The following STIMATE variants were observed in gnomAD, a reference collection of about 807,000 sequenced individuals.
STIMATE encodes the protein STIM activating enhancer, also known as store-operated calcium entry regulator STIMATE.
A neutral mutation model predicts 36.7 loss-of-function variants in STIMATE; 15 were observed. The ratio of observed to expected loss-of-function variants is 0.41; its 90% CI spans 0.27 to 0.63. The LOEUF (loss-of-function observed/expected upper bound fraction) is 0.63. Among genes scored for constraint, STIMATE ranks in the 20% least tolerant of loss-of-function variants. STIMATE has a pLI of 0.32. For synonymous variants in STIMATE, 163 were observed against 162.3 expected (o/e 1.00, Z -0.03); for missense variants, 305 against 397.3 (o/e 0.77, Z 1.98).
At chr3:52,868,397 G>A (rs1274565312) in intron 1 of STIMATE, among the ~76,000 whole-genome samples, 1 of 152,230 alleles carries the variant, frequency 6.6e-6, no homozygotes, top group African/African-American at 2.4e-5. Flanking sequence ...GGAGGTCCAG[G>A]TGATTCTTAT....
At chr3:52,866,136 A>C (rs1319705756) in intron 1 of STIMATE, among the ~76,000 whole-genome samples, 3 of 152,238 alleles carry the variant, frequency 2.0e-5, no homozygotes, top group Admixed American at 6.5e-5. Flanking sequence ...CACTTGCTAC[A>C]TCAAAAGCTA....
At chr3:52,866,647 C>A (rs57317288) in intron 1 of STIMATE, among the ~76,000 whole-genome samples, 183 of 152,336 alleles carry the variant, frequency 1.2e-3, no homozygotes, top group African/African-American at 4.2e-3. Context: ...GTTTTCCACA[C>A]GCCACTCTCA....
intron 1 of STIMATE, among the ~76,000 whole-genome samples, chr3:52,889,472 T>C (rs996100847): frequency 6.6e-6 from 1 of 152,204 alleles, no homozygotes; most frequent in Non-Finnish European, 1.5e-5. Context: ...ACTATCCAAA[T>C]GGAAGGTCTG....
chr3:52,882,846 T>A (rs189564336), intron 1 of STIMATE, among the ~76,000 whole-genome samples: 3 of 151,934 alleles, frequency 2.0e-5, no homozygotes, highest in East Asian at 3.9e-4. Flanking sequence ...CAATTAAGAG[T>A]CGGCCACAGC....
chr3:52,852,550 A>T (rs374404671), intron 3 of STIMATE, 53 bp downstream of exon 3: 16 of 1,607,012 alleles, frequency 1.0e-5, no homozygotes, highest in Non-Finnish European at 1.4e-5. Context: ...AGGCCAGCCT[A>T]TATTTTCAAT....
In STIMATE at chr3:52,890,141, C is replaced by T. The variant is rs546601978; in HGVS notation, c.160+7150G>A. The stretch of plus-strand genomic sequence containing the variant: ...ATTCCCCCTCTCCAGTGTGTTCAGG[C>T]TTCTACAATCCTCTTCACGCTATAC... On this transcript the variant is annotated intron_variant, in intron 1 of 7. Transcript: ENST00000355083. 2.6e-5 allele frequency among the ~76,000 whole-genome samples: 4 copies of T among 152,348 alleles called. No individual in the cohort carries two copies. In the East Asian group the frequency reaches 5.8e-4, roughly 22 times the overall value.
At chr3:52,877,954 T>G (rs1251293200) in intron 1 of STIMATE, among the ~76,000 whole-genome samples, 1 of 151,848 alleles carries the variant, frequency 6.6e-6, no homozygotes, top group Non-Finnish European at 1.5e-5. Flanking sequence ...AATTAGCCAG[T>G]GTGGTGGCAC....
intron 5 of STIMATE, 109 bp downstream of exon 5, chr3:52,844,720 A>G (rs1700863862): frequency 8.0e-6 from 9 of 1,119,356 alleles, no homozygotes; most frequent in Non-Finnish European, 1.1e-5. Context: ...ACACATTCAT[A>G]GAGTTAAAAC....
At chr3:52,894,334 T>A (rs1381765837) in intron 1 of STIMATE, among the ~76,000 whole-genome samples, 1 of 152,196 alleles carries the variant, frequency 6.6e-6, no homozygotes, top group Non-Finnish European at 1.5e-5. Context: ...CCTGTAACAG[T>A]CTGCATGTTT....
intron 1 of STIMATE, among the ~76,000 whole-genome samples, chr3:52,889,318 G>A (rs1486768805): frequency 2.0e-5 from 3 of 152,188 alleles, no homozygotes; most frequent in East Asian, 3.8e-4. Context: ...GTGGTTCCCA[G>A]GGCTTGCCTA....
chr3:52,870,052 C>T (rs537787356), intron 1 of STIMATE, among the ~76,000 whole-genome samples: 7 of 151,334 alleles, frequency 4.6e-5, no homozygotes, highest in African/African-American at 7.2e-5. Context: ...TCTTTAAGCA[C>T]GAAGTCCACC....
chr3:52,845,231 G>T (rs1036056242), intron 4 of STIMATE, among the ~76,000 whole-genome samples: 3 of 152,258 alleles, frequency 2.0e-5, no homozygotes, highest in Non-Finnish European at 2.9e-5. Flanking sequence ...CATTGCTGGA[G>T]CTCAGAAAAG....
chr3:52,849,861 C>T lies in STIMATE; in HGVS notation c.358G>A (p.Val120Met), dbSNP rs747879938. Residue 120 changes from valine (V) to methionine (M), a missense_variant, in exon 4 of 8, where the codon GTG becomes ATG. By Grantham distance (21) the Val-to-Met change is conservative (BLOSUM62 1). Around this residue, in one of 3 missense-constraint regions of STIMATE, gnomAD observed 164 missense variants for 257.9 expected, o/e 0.64. Coordinates refer to ENST00000355083, the MANE Select transcript of STIMATE (RefSeq NM_198563.5). Reference sequence around the variant, plus strand: ...AGGACGCTGACGGCGCGCACCCCCACGTAGATGAGCAGCATGCCCACAGTG... The same window carrying T: ...AGGACGCTGACGGCGCGCACCCCCATGTAGATGAGCAGCATGCCCACAGTG... ...DATVGMLLIY[V>M]GVRAVSVLVE... 6.8e-6 allele frequency: 11 copies of T among 1,613,826 alleles called. No homozygotes were observed. Among genetic ancestry groups the T allele is most frequent in the South Asian group, 6.6e-5 (6 of 91,070 alleles).
rs1169323118 is a variant in STIMATE, at chr3:52,839,002, A to G, written c.*1492T>C. On this transcript the variant is annotated 3_prime_UTR_variant, in exon 8 of 8. Coordinates refer to ENST00000355083, the MANE Select transcript of STIMATE (RefSeq NM_198563.5). ...TGCCTCTGAGCTTGACAAACCACCA[A>G]GCAGTGCCCCTACCTTGCTGTTTCC... 1 of 152,210 alleles carries G rather than the reference A, an allele frequency of 6.6e-6. No homozygotes were observed. Among genetic ancestry groups the G allele is most frequent in the Non-Finnish European group, 1.5e-5 (1 of 68,080 alleles). The allele number at this position is 152,210 out of a possible 1,614,324, so 9.4% of individuals were successfully genotyped here. A position where few individuals can be genotyped will look rare whatever the true frequency, so the allele number is the denominator to read the frequency against.
At chr3:52,864,213 A>C (rs1701264921) in intron 1 of STIMATE, among the ~76,000 whole-genome samples, 1 of 152,240 alleles carries the variant, frequency 6.6e-6, no homozygotes, top group Non-Finnish European at 1.5e-5. Flanking sequence ...CTGGGCATCC[A>C]GATATTTCCA....
At chr3:52,872,853 T>C (rs1215146985) in intron 1 of STIMATE, among the ~76,000 whole-genome samples, 4 of 152,338 alleles carry the variant, frequency 2.6e-5, no homozygotes, top group East Asian at 1.9e-4. Context: ...CTCAAACTCC[T>C]GACCTCCAGT....
At chr3:52,861,555 T>C (rs1474983253) in intron 1 of STIMATE, among the ~76,000 whole-genome samples, 1 of 152,040 alleles carries the variant, frequency 6.6e-6, no homozygotes, top group Non-Finnish European at 1.5e-5. Flanking sequence ...AAGAGGAAGG[T>C]GGGGGGCTGC....
intron 1 of STIMATE, among the ~76,000 whole-genome samples, chr3:52,861,769 G>A (rs12487379): frequency 0.35 from 52,730 of 151,988 alleles, 9,816 homozygotes; most frequent in Admixed American, 0.49. Flanking sequence ...GAGACCTTGG[G>A]TCTGCCAGCT....
At chr3:52,844,783 C>CT in intron 5 of STIMATE, 46 bp downstream of exon 5, 1 of 1,603,636 alleles carries the variant, frequency 6.2e-7, no homozygotes, top group East Asian at 2.2e-5. Flanking sequence ...GGAAGTGCTG[C>CT]TTGCTCAGCG....
Sources: gnomAD v4.1 joint callset for allele counts (sites outside exome capture counted in the v4.1 genomes callset) on GRCh38, gnomAD v4.1.1 for gene constraint, gnomAD v4.1.1 regional missense constraint, MANE v1.5 for transcripts, NCBI Gene and HGNC (gene_info 2026-07-23, HGNC 2026-07-21) for gene names.